Variants in MDGA2 observed in about 807,000 individuals in gnomAD.
MDGA2 encodes the protein MAM domain containing glycosylphosphatidylinositol anchor 2, also known as MAM domain-containing glycosylphosphatidylinositol anchor protein 2.
In MDGA2, 40 loss-of-function variants were observed where a neutral mutation model predicts 117.8. The observed-to-expected ratio is 0.34, with a 90% CI of 0.26 to 0.44. The LOEUF is 0.44. MDGA2 is among the 20% of genes least tolerant of loss of function. The pLI is 1.00. For synonymous variants in MDGA2, 452 were observed against 439.0 expected (o/e 1.03, Z -0.37); for missense variants, 1,123 against 1,250.6 (o/e 0.90, Z 1.54).
chr14:47,043,975 G>A (rs1207258942), intron 7 of MDGA2, among the ~76,000 whole-genome samples: 1 of 152,000 alleles, frequency 6.6e-6, no homozygotes. Context: ...ATGTCATGAC[G>A]AAATGTGCAC....
intron 1 of MDGA2, among the ~76,000 whole-genome samples, chr14:47,318,697 G>A (rs73238745): frequency 0.033 from 5,043 of 151,278 alleles, 97 homozygotes; most frequent in African/African-American, 0.051. Flanking sequence ...TTCATTCAAC[G>A]CTTACCGAAT....
intron 1 of MDGA2, among the ~76,000 whole-genome samples, chr14:47,586,077 T>C (rs1364149398): frequency 6.6e-6 from 1 of 151,956 alleles, no homozygotes; most frequent in African/African-American, 2.4e-5. Flanking sequence ...ATTGGACAGA[T>C]GTAAATAGTA....
chr14:47,465,124 G>A (rs1893573602), intron 1 of MDGA2, among the ~76,000 whole-genome samples: 1 of 152,008 alleles, frequency 6.6e-6, no homozygotes, highest in African/African-American at 2.4e-5. Context: ...AATAAATGGT[G>A]CTGGGATAAC....
At chr14:46,868,185 C>A (rs1881853725) in intron 14 of MDGA2, among the ~76,000 whole-genome samples, 1 of 151,778 alleles carries the variant, frequency 6.6e-6, no homozygotes, top group Non-Finnish European at 1.5e-5. Context: ...GTATACATAT[C>A]AGGAGTTTTG....
chr14:47,442,348 G>C (rs1566458895), intron 1 of MDGA2, among the ~76,000 whole-genome samples: 1 of 152,114 alleles, frequency 6.6e-6, no homozygotes, highest in Non-Finnish European at 1.5e-5. Context: ...ACCTACATGA[G>C]AGAGTAAGGC....
chr14:47,173,404 G>A (rs1274044130), intron 3 of MDGA2, among the ~76,000 whole-genome samples: 2 of 152,154 alleles, frequency 1.3e-5, no homozygotes, highest in Admixed American at 1.3e-4. Context: ...AGAGAGAAAG[G>A]TTGGGTTACC....
chr14:46,854,923 C>T (rs1456848262), intron 15 of MDGA2, 101 bp downstream of exon 15: 7 of 1,080,902 alleles, frequency 6.5e-6, no homozygotes, highest in Middle Eastern at 2.9e-4. Context: ...ATGCTTATAT[C>T]GTGGAATTTC....
intron 3 of MDGA2, among the ~76,000 whole-genome samples, chr14:47,176,456 T>C (rs1402139740): frequency 6.6e-6 from 1 of 152,082 alleles, no homozygotes; most frequent in East Asian, 1.9e-4. Flanking sequence ...AACAGATATA[T>C]AGATCAATGG....
intron 1 of MDGA2, among the ~76,000 whole-genome samples, chr14:47,633,208 T>TC (rs11390568): frequency 1 from 152,201 of 152,242 alleles, 76,080 homozygotes; most frequent in Middle Eastern, 1. Flanking sequence ...TTTTTATTGT[T>TC]CAAATCTTCC....
intron 8 of MDGA2, among the ~76,000 whole-genome samples, chr14:47,016,151 G>A (rs532963553): frequency 6.6e-6 from 1 of 152,018 alleles, no homozygotes; most frequent in African/African-American, 2.4e-5. Flanking sequence ...CTGTCCTGTG[G>A]ATTCCATCTC....
intron 5 of MDGA2, among the ~76,000 whole-genome samples, chr14:47,113,375 C>T (rs528019301): frequency 3.9e-5 from 6 of 152,008 alleles, no homozygotes; most frequent in South Asian, 2.1e-4. Context: ...CTATTCCAAA[C>T]GATCAAAAAG....
chr14:47,334,086 T>C (rs1237658541), intron 1 of MDGA2, among the ~76,000 whole-genome samples: 1 of 151,704 alleles, frequency 6.6e-6, no homozygotes, highest in African/African-American at 2.4e-5. Flanking sequence ...CAAAAGGTGA[T>C]ATATAGAATA....
At chr14:47,232,028 G>C (rs1886709856) in intron 2 of MDGA2, among the ~76,000 whole-genome samples, 1 of 151,962 alleles carries the variant, frequency 6.6e-6, no homozygotes, top group African/African-American at 2.4e-5. Flanking sequence ...ACAGTTTCCT[G>C]GACACTCATC....
At chr14:47,571,770 T>C (rs918599618) in intron 1 of MDGA2, among the ~76,000 whole-genome samples, 13 of 148,478 alleles carry the variant, frequency 8.8e-5, no homozygotes, top group African/African-American at 3.2e-4. Flanking sequence ...GGTCGGGGGA[T>C]AGGGGAGGCA....
chr14:47,510,644 T>C (rs1263995293), intron 1 of MDGA2, among the ~76,000 whole-genome samples: 2 of 152,236 alleles, frequency 1.3e-5, no homozygotes, highest in Non-Finnish European at 2.9e-5. Context: ...AATGGAAGAC[T>C]GATATCACCT....
In MDGA2 at chr14:47,178,247, C is replaced by T. The variant is rs531559940; in HGVS notation, c.596-33973G>A. ...ATTTTCTGGTTTAAAACAAGAAATG[C>T]ACATTTGGCAACTCATTAAACTCCC... On this transcript the variant is annotated intron_variant, in intron 3 of 16. Transcript: ENST00000399232. Among the ~76,000 whole-genome samples the T allele has an allele frequency of 1.2e-4, 18 of 152,236 alleles. 1 individual carries two copies. The highest frequency in any genetic ancestry group is 3.9e-4 in the African/African-American group (16 of 41,550).
At chr14:47,093,220 G>C (rs2138958629) in intron 6 of MDGA2, among the ~76,000 whole-genome samples, 1 of 152,162 alleles carries the variant, frequency 6.6e-6, no homozygotes, top group East Asian at 1.9e-4. Flanking sequence ...ATCAGGTTTA[G>C]AGTTATTACT....
chr14:46,978,777 G>T (rs1418415656), intron 8 of MDGA2, among the ~76,000 whole-genome samples: 1 of 152,044 alleles, frequency 6.6e-6, no homozygotes, highest in Non-Finnish European at 1.5e-5. Context: ...GAATGACTCA[G>T]AGAGGCAAGA....
intron 3 of MDGA2, among the ~76,000 whole-genome samples, chr14:47,156,492 A>G (rs1883395379): frequency 6.6e-6 from 1 of 152,200 alleles, no homozygotes; most frequent in Admixed American, 6.5e-5. Context: ...CCCAACATGC[A>G]CTGGTGCAAT....
Sources: allele counts gnomAD v4.1 joint callset (sites outside exome capture counted in the v4.1 genomes callset), GRCh38; gene constraint gnomAD v4.1.1; transcripts MANE v1.5; gene names NCBI Gene and HGNC (gene_info 2026-07-23, HGNC 2026-07-21).